The following CD109 variants were observed in gnomAD, a reference collection of about 807,000 sequenced individuals.
CD109 encodes CD109 antigen.
A neutral mutation model predicts 165.8 loss-of-function variants in CD109; 149 were observed. That is an observed-to-expected ratio of 0.90 (90% CI 0.79 to 1.03). The LOEUF (loss-of-function observed/expected upper bound fraction) is 1.03, where lower values mean the gene tolerates loss of function less well. Among genes scored for constraint, CD109 ranks in the 50% least tolerant of loss-of-function variants. The pLI is 0.00. For synonymous variants in CD109, 585 were observed against 592.1 expected (o/e 0.99, Z 0.18); for missense variants, 1,712 against 1,677.8 (o/e 1.02, Z -0.36).
intron 3 of CD109, among the ~76,000 whole-genome samples, chr6:73,729,491 G>GTTGTTATTA (rs780373091): frequency 3.5e-5 from 5 of 142,040 alleles, no homozygotes; most frequent in African/African-American, 7.8e-5. Flanking sequence ...GACTTCTATT[G>GTTGTTATTA]TTATTATTAT....
In CD109 at chr6:73,808,105, C is replaced by T; in HGVS notation, c.3212C>T (p.Ser1071Phe). ...AAGCCTAACATTGATGTGCAAGAGT[C>T]TATCCATTTTTTGGAGTCTGAATTC... ...KYQPNIDVQE[S>F]IHFLESEFSR... The change falls in exon 26 of 33, where the codon TCT becomes TTT. Residue 1071 changes from serine to phenylalanine, a missense_variant. Transcript: ENST00000287097. 1 of 1,613,150 alleles carries T rather than the reference C, an allele frequency of 6.2e-7. No individual in the cohort carries two copies. Among genetic ancestry groups the T allele is most frequent in the South Asian group, 1.1e-5 (1 of 91,014 alleles).
chr6:73,803,363 T>C, intron 24 of CD109, 62 bp downstream of exon 24: 3 of 1,232,488 alleles, frequency 2.4e-6, no homozygotes, highest in Middle Eastern at 1.9e-4. Flanking sequence ...TAGGTCACAA[T>C]AGCCACGAAA....
chr6:73,763,757 T>C, intron 10 of CD109, 72 bp downstream of exon 10: 1 of 703,384 alleles, frequency 1.4e-6, no homozygotes, highest in Admixed American at 3.0e-5. Context: ...GAAATAATAT[T>C]TTCAATGCTT....
upstream of CD109, among the ~76,000 whole-genome samples, chr6:73,690,905 C>T (rs1473572876): frequency 6.6e-6 from 1 of 152,248 alleles, no homozygotes; most frequent in South Asian, 2.1e-4. Flanking sequence ...ATGCTTGTCT[C>T]TGGGTAGTGG....
rs1775635904 is a variant in CD109, at chr6:73,808,131, A to G, written c.3238A>G (p.Ser1080Gly). ...ESIHFLESEF[S>G]RGISDNYTLA... Reference sequence around the variant, plus strand: ...TATCCATTTTTTGGAGTCTGAATTCAGTAGAGGAATTTCAGACAATTATAC... The same window carrying G: ...TATCCATTTTTTGGAGTCTGAATTCGGTAGAGGAATTTCAGACAATTATAC... Residue 1080 changes from serine (S) to glycine (G), a missense_variant, in exon 26 of 33, where the codon AGT becomes GGT. By Grantham distance (56) the Ser-to-Gly change is moderately conservative. Transcript: ENST00000287097. 6.2e-7 allele frequency: 1 copy of G among 1,613,246 alleles called. No individual in the cohort carries two copies. The highest frequency in any genetic ancestry group is 1.3e-5 in the African/African-American group (1 of 74,902).
chr6:73,778,307 G>A (rs577435891), intron 15 of CD109, among the ~76,000 whole-genome samples: 10 of 152,276 alleles, frequency 6.6e-5, no homozygotes, highest in African/African-American at 1.4e-4. Flanking sequence ...AGACTATGGG[G>A]TTTTCTAGAT....
rs1458285100 is a variant in CD109, at chr6:73,763,663, C to T, written c.1085C>T (p.Pro362Leu). The T allele has an allele frequency of 1.3e-6, 2 of 1,576,132 alleles. No homozygotes were observed. The highest frequency in any genetic ancestry group is 1.3e-5 in the African/African-American group (1 of 74,310). The change falls in exon 10 of 33, where the codon CCA becomes CTA. Residue 362 changes from proline to leucine, a missense_variant. Pro to Leu is a moderately conservative substitution (Grantham distance 98). Transcript: ENST00000287097. ...TTTGATTATACTACTGTCTTGAAGCCATCTCTCAACTTCACAGCCACTGTA... is the reference window on the plus strand; with the variant it reads ...TTTGATTATACTACTGTCTTGAAGCTATCTCTCAACTTCACAGCCACTGTA... The part of the protein sequence containing the change: ...EFFDYTTVLK[P>L]SLNFTATVKV...
intron 22 of CD109, 95 bp from the exon 23 acceptor site, chr6:73,792,531 C>A: frequency 9.8e-7 from 1 of 1,018,884 alleles, no homozygotes; most frequent in South Asian, 1.4e-5. Context: ...GCTTCAATGA[C>A]AGAGGTCTTC....
upstream of CD109, among the ~76,000 whole-genome samples, chr6:73,692,515 A>G (rs1770707985): frequency 6.6e-6 from 1 of 152,186 alleles, no homozygotes; most frequent in African/African-American, 2.4e-5. Context: ...GTCTTTCTTC[A>G]GTGCATAGAT....
At chr6:73,787,853 A>G (rs1347546388) in intron 21 of CD109, among the ~76,000 whole-genome samples, 3 of 152,186 alleles carry the variant, frequency 2.0e-5, no homozygotes, top group Admixed American at 6.5e-5. Flanking sequence ...AGCATAGTGG[A>G]TAAACACTTG....
At chr6:73,791,194 T>TATATATATATATATACACACATAC (rs1562071132) in intron 22 of CD109, among the ~76,000 whole-genome samples, 6 of 7,888 alleles carry the variant, frequency 7.6e-4, no homozygotes, top group South Asian at 6.6e-3. Context: ...CACACATACA[T>TATATATATATATATACACACATAC]ATATATATAT....
intron 28 of CD109, among the ~76,000 whole-genome samples, chr6:73,811,868 G>A (rs1775769512): frequency 6.6e-6 from 1 of 152,108 alleles, no homozygotes; most frequent in African/African-American, 2.4e-5. Context: ...GAGAGCCAGG[G>A]GATTAGGCCC....
chr6:73,680,394 A>G, the CD109 span, among the ~76,000 whole-genome samples: 3 of 152,198 alleles, frequency 2.0e-5, no homozygotes, highest in Non-Finnish European at 4.4e-5. Context: ...ATACTTAAAA[A>G]TATTTAAGAG....
At chr6:73,707,101 G>A (rs889938473) in intron 2 of CD109, among the ~76,000 whole-genome samples, 4 of 152,292 alleles carry the variant, frequency 2.6e-5, no homozygotes, top group South Asian at 2.1e-4. Flanking sequence ...GTCCTCCCAC[G>A]TTGATTATAG....
intron 30 of CD109, among the ~76,000 whole-genome samples, chr6:73,815,417 A>T (rs1019964262): frequency 6.6e-6 from 1 of 152,204 alleles, no homozygotes; most frequent in Non-Finnish European, 1.5e-5. Context: ...AAATTAAGTC[A>T]ATCATATTTA....
At chr6:73,729,250 C>T (rs1772253695) in intron 3 of CD109, among the ~76,000 whole-genome samples, 1 of 152,112 alleles carries the variant, frequency 6.6e-6, no homozygotes, top group South Asian at 2.1e-4. Flanking sequence ...GGAAGGAAAT[C>T]ACTAAGTCTG....
intron 3 of CD109, among the ~76,000 whole-genome samples, chr6:73,725,695 T>G (rs895604296): frequency 2.0e-5 from 3 of 151,984 alleles, no homozygotes; most frequent in Non-Finnish European, 4.4e-5. Flanking sequence ...GTATTTTTAG[T>G]AGGGACAGAG....
At position 73,698,560 on chromosome 6, in the gene CD109, T is replaced by C. The variant is rs545754183; in HGVS notation, c.247+988T>C. Among the ~76,000 whole-genome samples the C allele has an allele frequency of 1.3e-3, 197 of 152,330 alleles. 4 individuals are homozygous for C. The highest frequency in any genetic ancestry group is 4.3e-3 in the African/African-American group (177 of 41,578). ...GGCACGTAATGAAGGGTGGTTGGTA[T>C]TCATTACATAAGTGTTTATTCTCTA... On this transcript the variant is annotated intron_variant, in intron 2 of 32. Transcript: ENST00000287097.
In CD109 at chr6:73,818,353, G is replaced by C. The variant is rs199721918; in HGVS notation, c.3912-35G>C. The C allele has an allele frequency of 2.5e-6, 4 of 1,611,850 alleles. No individual in the cohort carries two copies. The African/African-American group carries it at 5.3e-5, about 22-fold the overall frequency. On this transcript the variant is annotated intron_variant, in intron 30 of 32. Coordinates refer to ENST00000287097, the MANE Select transcript of CD109 (RefSeq NM_133493.5). ...TTGATAACAGCTATGGGTTTTTCCT[G>C]AGGAGTTTTCATTCATCCTCCCTCT...
Sources: gnomAD v4.1 joint callset for allele counts (sites outside exome capture counted in the v4.1 genomes callset) on GRCh38, gnomAD v4.1.1 for gene constraint, MANE v1.5 for transcripts, NCBI Gene and HGNC (gene_info 2026-07-23, HGNC 2026-07-21) for gene names.